Variants in DCAF17 observed in about 807,000 individuals in gnomAD.
The protein encoded by DCAF17 is DDB1 and CUL4 associated factor 17.
A neutral mutation model predicts 66.0 loss-of-function variants in DCAF17; 48 were observed. That is an observed-to-expected ratio of 0.73 (90% CI 0.58 to 0.92). DCAF17 has a LOEUF of 0.92. DCAF17 is among the 40% of genes least tolerant of loss of function. DCAF17 has a pLI of 0.00. For synonymous variants in DCAF17, 206 were observed against 214.6 expected (o/e 0.96, Z 0.35); for missense variants, 562 against 622.8 (o/e 0.90, Z 1.04).
At chr2:171,457,625 T>C (rs1298594497) in intron 6 of DCAF17, among the ~76,000 whole-genome samples, 1 of 152,232 alleles carries the variant, frequency 6.6e-6, no homozygotes, top group African/African-American at 2.4e-5. Context: ...AGATTAAATA[T>C]TCATTTAGAA....
intron 6 of DCAF17, among the ~76,000 whole-genome samples, chr2:171,454,693 T>A (rs964208766): frequency 1.6e-4 from 25 of 151,980 alleles, no homozygotes; most frequent in South Asian, 6.3e-4. Flanking sequence ...GGTTAGGAGA[T>A]CAATACCAGC....
chr2:171,471,821 C>T (rs991634314), intron 9 of DCAF17, among the ~76,000 whole-genome samples: 1 of 152,070 alleles, frequency 6.6e-6, no homozygotes. Context: ...TCAAGATCAG[C>T]CTGGGCAGCA....
At position 171,434,248 on chromosome 2, in the gene DCAF17, G is replaced by A. The variant is rs1693572515; in HGVS notation, c.-330G>A. 2.1e-6 allele frequency: 1 copy of A among 480,322 alleles called. No individual in the cohort carries two copies. The highest frequency in any genetic ancestry group is 2.0e-5 in the African/African-American group (1 of 50,312). 29.8% of individuals were successfully genotyped at this position (480,322 alleles called of 1,614,324 possible). A position where few individuals can be genotyped will look rare whatever the true frequency, so the allele number is the denominator to read the frequency against. On this transcript the variant is annotated 5_prime_UTR_variant, in exon 1 of 14. Coordinates refer to ENST00000375255, the MANE Select transcript of DCAF17 (RefSeq NM_025000.4). Reference sequence around the variant, plus strand: ...TGGGAGAAGCCGGGCTGCCTCACGAGGCACTAGGAACTACATTTCCCGGTG... The same window carrying A: ...TGGGAGAAGCCGGGCTGCCTCACGAAGCACTAGGAACTACATTTCCCGGTG...
At chr2:171,478,873 A>G (rs1433617612) in intron 12 of DCAF17, among the ~76,000 whole-genome samples, 3 of 152,248 alleles carry the variant, frequency 2.0e-5, no homozygotes, top group East Asian at 1.9e-4. Flanking sequence ...TACTCTGCAT[A>G]TAAAACTGTA....
At chr2:171,434,970 G>A in intron 1 of DCAF17, 113 bp from the exon 2 acceptor site, 6 of 1,045,912 alleles carry the variant, frequency 5.7e-6, no homozygotes, top group Non-Finnish European at 7.1e-6. Context: ...AGTGGAGGAA[G>A]GATGCAAAAA....
intron 6 of DCAF17, among the ~76,000 whole-genome samples, chr2:171,456,127 A>G (rs1455974849): frequency 6.6e-6 from 1 of 152,166 alleles, no homozygotes; most frequent in Non-Finnish European, 1.5e-5. Context: ...GTTATCTTCC[A>G]GGGTTTTTAT....
At chr2:171,466,486 C>G (rs1055372967) in intron 8 of DCAF17, among the ~76,000 whole-genome samples, 3 of 152,106 alleles carry the variant, frequency 2.0e-5, no homozygotes, top group African/African-American at 7.2e-5. Flanking sequence ...TGTGAACATC[C>G]TTGCTTTCTC....
intron 7 of DCAF17, 47 bp downstream of exon 7, chr2:171,458,122 G>T: frequency 6.5e-7 from 1 of 1,530,480 alleles, no homozygotes; most frequent in South Asian, 1.1e-5. Flanking sequence ...ATGAGTTTTC[G>T]ACTAAAGTAT....
At position 171,477,667 on chromosome 2, in the gene DCAF17, C is replaced by T. The variant is rs532134720; in HGVS notation, c.1183-320C>T. On this transcript the variant is annotated intron_variant, in intron 11 of 13. Coordinates refer to ENST00000375255, the MANE Select transcript of DCAF17 (RefSeq NM_025000.4). ...ATTAGCCAGGCATGGTGGTGTATGCCTGTAGCCCCAGCTACTGGGGAGGCT... is the reference window on the plus strand; with the variant it reads ...ATTAGCCAGGCATGGTGGTGTATGCTTGTAGCCCCAGCTACTGGGGAGGCT... Among the ~76,000 whole-genome samples, 4 of 152,208 alleles carry T rather than the reference C, an allele frequency of 2.6e-5. No individual in the cohort carries two copies. In the East Asian group the frequency reaches 7.7e-4, roughly 29 times the overall value.
intron 6 of DCAF17, among the ~76,000 whole-genome samples, chr2:171,456,198 A>G (rs947341729): frequency 1.3e-5 from 2 of 152,150 alleles, no homozygotes; most frequent in Non-Finnish European, 2.9e-5. Flanking sequence ...CGTATGGTGT[A>G]AGGAAGGGGT....
At chr2:171,450,105 C>G in intron 5 of DCAF17, 148 bp downstream of exon 5, 1 of 644,298 alleles carries the variant, frequency 1.6e-6, no homozygotes, top group Non-Finnish European at 2.7e-6. Context: ...GATCGGAGAC[C>G]ATTATTCTAA....
chr2:171,478,529 T>C (rs1481124035), intron 12 of DCAF17, among the ~76,000 whole-genome samples: 1 of 152,226 alleles, frequency 6.6e-6, no homozygotes, highest in African/African-American at 2.4e-5. Flanking sequence ...TCAGCTCTTA[T>C]CTTCAAGTTG....
At chr2:171,458,315 C>G in intron 7 of DCAF17, 57 bp from the exon 8 acceptor site, 1 of 1,414,690 alleles carries the variant, frequency 7.1e-7, no homozygotes, top group Non-Finnish European at 1.0e-6. Context: ...TTTGTTCTCT[C>G]CAGATATCAA....
chr2:171,436,542 A>G (rs745846051), intron 2 of DCAF17, among the ~76,000 whole-genome samples: 6 of 152,024 alleles, frequency 3.9e-5, no homozygotes, highest in African/African-American at 1.4e-4. Flanking sequence ...CCTGATGACT[A>G]GTGATGTCAG....
rs1696768341 is a variant in DCAF17 at position 171,482,112 on chromosome 2, A to G, written c.*998A>G. ...AGGAAAGATCTAAATATGGTCCTTG[A>G]CTTTTAATAATCATTCTTTAGAATG... is the stretch of plus-strand genomic sequence containing the variant. On this transcript the variant is annotated 3_prime_UTR_variant, in exon 14 of 14. Coordinates refer to ENST00000375255, the MANE Select transcript of DCAF17 (RefSeq NM_025000.4). 2.2e-6 allele frequency: 1 copy of G among 449,584 alleles called. No homozygotes were observed. Among genetic ancestry groups the G allele is most frequent in the African/African-American group, 2.0e-5 (1 of 49,782 alleles). The allele number at this position is 449,584 out of a possible 1,614,324, so 27.8% of individuals were successfully genotyped here.
In DCAF17 at chr2:171,481,518, A is replaced by C. The variant is rs1390201588; in HGVS notation, c.*404A>C. On this transcript the variant is annotated 3_prime_UTR_variant, in exon 14 of 14. Transcript: ENST00000375255. Reference sequence around the variant, plus strand: ...AGGAAAGACAGGGAGAGACAAAAGTAAACATGCAGAAAGAAATCTTATATC... The same window carrying C: ...AGGAAAGACAGGGAGAGACAAAAGTCAACATGCAGAAAGAAATCTTATATC... 6.6e-6 allele frequency: 3 copies of C among 455,118 alleles called. No individual in the cohort carries two copies. Among genetic ancestry groups the C allele is most frequent in the African/African-American group, 2.0e-5 (1 of 50,070 alleles). 28.2% of individuals were successfully genotyped at this position (455,118 alleles called of 1,614,324 possible). A position where few individuals can be genotyped will look rare whatever the true frequency, so the allele number is the denominator to read the frequency against.
chr2:171,449,288 G>A (rs939729572), intron 4 of DCAF17, among the ~76,000 whole-genome samples: 22 of 152,086 alleles, frequency 1.4e-4, no homozygotes, highest in African/African-American at 2.4e-4. Flanking sequence ...GATTACAGGC[G>A]TGAGCCATCG....
chr2:171,436,266 A>AT (rs1427944670), intron 2 of DCAF17, among the ~76,000 whole-genome samples: 1 of 152,228 alleles, frequency 6.6e-6, no homozygotes, highest in African/African-American at 2.4e-5. Flanking sequence ...ATTATAAATA[A>AT]TGCTGCTATA....
chr2:171,471,808 A>G (rs1249931293), intron 9 of DCAF17, among the ~76,000 whole-genome samples: 4 of 152,184 alleles, frequency 2.6e-5, no homozygotes, highest in Non-Finnish European at 4.4e-5. Context: ...TGAGCCCAGG[A>G]GTTCAAGATC....
Sources: gnomAD v4.1 joint callset for allele counts (sites outside exome capture counted in the v4.1 genomes callset) on GRCh38, gnomAD v4.1.1 for gene constraint, MANE v1.5 for transcripts, NCBI Gene and HGNC (gene_info 2026-07-23, HGNC 2026-07-21) for gene names.